Variants in GRM7 observed in about 807,000 individuals in gnomAD.
GRM7 encodes metabotropic glutamate receptor 7.
Under a neutral mutation model 84.5 loss-of-function variants are expected in GRM7, and 35 were observed. That is an observed-to-expected ratio of 0.41 (90% CI 0.32 to 0.55). The LOEUF is 0.55. Among genes scored for constraint, GRM7 ranks in the 20% least tolerant of loss-of-function variants. The pLI is 0.19. For synonymous variants in GRM7, 487 were observed against 455.1 expected (o/e 1.07, Z -0.89); for missense variants, 1,003 against 1,194.6 (o/e 0.84, Z 2.36).
chr3:7,205,314 A>G (rs144856614), intron 2 of GRM7, among the ~76,000 whole-genome samples: 1 of 152,332 alleles, frequency 6.6e-6, no homozygotes, highest in African/African-American at 2.4e-5. Flanking sequence ...CACGTTGTCT[A>G]GTGCAATTTG....
At position 7,283,632 on chromosome 3, in the gene GRM7, A is replaced by C. The variant is rs111813575; in HGVS notation, c.737-15052A>C. 4.4e-3 allele frequency among the ~76,000 whole-genome samples: 671 copies of C among 152,264 alleles called. 5 individuals are homozygous for C. The highest frequency in any genetic ancestry group is 0.015 in the African/African-American group (638 of 41,564). On this transcript the variant is annotated intron_variant, in intron 2 of 9. Coordinates refer to ENST00000357716, the MANE Select transcript of GRM7 (RefSeq NM_000844.4). ...GTTTTGATTGGATAAAGAAGAGTTG[A>C]ATTTAAAGACTTTGGAGGCATTATA...
intron 2 of GRM7, among the ~76,000 whole-genome samples, chr3:7,170,148 G>A (rs1211780096): frequency 6.6e-6 from 1 of 152,202 alleles, no homozygotes; most frequent in Non-Finnish European, 1.5e-5. Flanking sequence ...CACGACAGAA[G>A]CATGTTCTCT....
intron 8 of GRM7, among the ~76,000 whole-genome samples, chr3:7,610,249 G>T (rs1696788051): frequency 6.6e-6 from 1 of 152,106 alleles, no homozygotes; most frequent in African/African-American, 2.4e-5. Context: ...TTAAAAATGT[G>T]CAAAGCCACT....
At chr3:7,516,687 T>C (rs1414299308) in intron 7 of GRM7, among the ~76,000 whole-genome samples, 2 of 152,014 alleles carry the variant, frequency 1.3e-5, no homozygotes, top group East Asian at 3.9e-4. Context: ...CATCAAGCTA[T>C]CAGAGCCTGC....
At chr3:7,010,705 T>C (rs1026975050) in intron 1 of GRM7, among the ~76,000 whole-genome samples, 11 of 151,790 alleles carry the variant, frequency 7.2e-5, no homozygotes, top group African/African-American at 2.7e-4. Flanking sequence ...TTGAGAAGAG[T>C]GTTCAGAGGA....
rs1216293318 is a variant in GRM7, at chr3:7,609,500, G to T, written c.2451+30143G>T. On this transcript the variant is annotated intron_variant, in intron 8 of 9. Coordinates refer to ENST00000357716, the MANE Select transcript of GRM7 (RefSeq NM_000844.4). ...CTCTAGACCACAAGTGAAACTTGCAGAGCTCGTGGAACAGAAGATGAGCCT... is the reference window on the plus strand; with the variant it reads ...CTCTAGACCACAAGTGAAACTTGCATAGCTCGTGGAACAGAAGATGAGCCT... Among the ~76,000 whole-genome samples, 3 of 152,284 alleles carry T rather than the reference G, an allele frequency of 2.0e-5. No homozygotes were observed. In the East Asian group the frequency reaches 5.8e-4, roughly 29 times the overall value.
intron 6 of GRM7, 100 bp from the exon 7 acceptor site, chr3:7,461,483 C>A: frequency 1.0e-6 from 1 of 982,090 alleles, no homozygotes; most frequent in African/African-American, 1.6e-5. Context: ...CTAGTAACTA[C>A]CTTTCTCCTC....
At chr3:7,512,609 T>A (rs572837544) in intron 7 of GRM7, among the ~76,000 whole-genome samples, 2 of 149,372 alleles carry the variant, frequency 1.3e-5, no homozygotes, top group East Asian at 2.0e-4. Context: ...TTTTTGAGCA[T>A]TAGAGAGACA....
At chr3:7,307,983 G>A (rs1482422577) in intron 4 of GRM7, among the ~76,000 whole-genome samples, 1 of 152,148 alleles carries the variant, frequency 6.6e-6, no homozygotes, top group African/African-American at 2.4e-5. Context: ...TCCTAGGGTG[G>A]TGGTGATATG....
intron 7 of GRM7, among the ~76,000 whole-genome samples, chr3:7,530,701 T>C (rs779754): frequency 0.4 from 60,295 of 152,080 alleles, 12,688 homozygotes; most frequent in Non-Finnish European, 0.46. Flanking sequence ...CCAGTGATGA[T>C]GGGCTTTTTT....
chr3:7,076,947 A>G (rs919393468), intron 1 of GRM7, among the ~76,000 whole-genome samples: 4 of 152,194 alleles, frequency 2.6e-5, no homozygotes, highest in African/African-American at 9.7e-5. Context: ...GAAGATATTT[A>G]TGCAGCCAAC....
intron 2 of GRM7, among the ~76,000 whole-genome samples, chr3:7,259,246 A>C (rs544975681): frequency 6.6e-6 from 1 of 152,204 alleles, no homozygotes; most frequent in Non-Finnish European, 1.5e-5. Context: ...CTGTAAAGTG[A>C]TGGTGATCAA....
chr3:6,862,910 G>T lies in GRM7; in HGVS notation c.519+1003G>T. 1 of 430,422 alleles carries T rather than the reference G, an allele frequency of 2.3e-6. No individual in the cohort carries two copies. The highest frequency in any genetic ancestry group is 4.6e-6 in the Non-Finnish European group (1 of 216,066). The allele number at this position is 430,422 out of a possible 1,614,324, so 26.7% of individuals were successfully genotyped here. ...ACGGAGAAAAAATGGGAGGAAGGCGGATCCGGGGCCGCTGAGCGGTGGGTT... is the reference window on the plus strand; with the variant it reads ...ACGGAGAAAAAATGGGAGGAAGGCGTATCCGGGGCCGCTGAGCGGTGGGTT... On this transcript the variant is annotated intron_variant, in intron 1 of 9. Transcript: ENST00000357716. The surrounding 1 kb of genome is among the most constrained non-coding windows in gnomAD (Gnocchi z 5.2).
intron 4 of GRM7, among the ~76,000 whole-genome samples, chr3:7,352,041 CACACACACACACACA>C (rs1693172456): frequency 1.6e-5 from 2 of 123,088 alleles, no homozygotes; most frequent in South Asian, 5.7e-4. Context: ...CTCTCTCTCT[CACACACACACACACA>C]CCACACACAC....
intron 2 of GRM7, among the ~76,000 whole-genome samples, chr3:7,211,132 G>T (rs911365609): frequency 6.6e-6 from 1 of 152,156 alleles, no homozygotes; most frequent in Non-Finnish European, 1.5e-5. Context: ...TTAAAAAGTA[G>T]ACTTTTCTTC....
At chr3:6,966,551 G>A (rs1693527864) in intron 1 of GRM7, among the ~76,000 whole-genome samples, 1 of 152,130 alleles carries the variant, frequency 6.6e-6, no homozygotes, top group Non-Finnish European at 1.5e-5. Context: ...CTCTCATTCA[G>A]GCATGAATTC....
chr3:7,258,034 A>T (rs1698272751), intron 2 of GRM7, among the ~76,000 whole-genome samples: 1 of 152,176 alleles, frequency 6.6e-6, no homozygotes, highest in South Asian at 2.1e-4. Flanking sequence ...TCTAAAAGTG[A>T]GGTAGTATTT....
At chr3:7,189,140 A>T (rs1695621255) in intron 2 of GRM7, among the ~76,000 whole-genome samples, 1 of 152,186 alleles carries the variant, frequency 6.6e-6, no homozygotes. Context: ...CCATATATTT[A>T]TATATTGAGA....
chr3:7,308,888 T>C (rs561498913), intron 4 of GRM7, among the ~76,000 whole-genome samples: 1 of 152,308 alleles, frequency 6.6e-6, no homozygotes, highest in South Asian at 2.1e-4. Flanking sequence ...AACAAATTAT[T>C]GAGGTAAAAT....
Sources: gnomAD v4.1 joint callset for allele counts (sites outside exome capture counted in the v4.1 genomes callset) on GRCh38, gnomAD v4.1.1 for gene constraint, Gnocchi (gnomAD v3.1) non-coding constraint, MANE v1.5 for transcripts, NCBI Gene and HGNC (gene_info 2026-07-23, HGNC 2026-07-21) for gene names.